The following IMMP2L variants were observed in gnomAD, a reference collection of about 807,000 sequenced individuals.
IMMP2L encodes mitochondrial inner membrane protease subunit 2.
In IMMP2L, 18 loss-of-function variants were observed where a neutral mutation model predicts 19.3. The observed-to-expected ratio is 0.93, with a 90% CI of 0.64 to 1.38. The LOEUF is 1.38. Ranked by LOEUF, IMMP2L falls within the 40% of genes most tolerant of loss-of-function variation. IMMP2L has a pLI of 0.00. For missense variants in IMMP2L, 233 were observed against 218.2 expected (o/e 1.07, Z -0.43); for synonymous variants, 76 against 73.0 (o/e 1.04, Z -0.21).
At position 110,728,956 on chromosome 7, in the gene IMMP2L, T is replaced by C. The variant is rs974066568; in HGVS notation, c.409-65235A>G. ...CCCAGGCTGGACTGCAATGGCGCGA[T>C]CTCAGCTCACAGCAACCTCCGTCTC... is the stretch of plus-strand genomic sequence containing the variant. On this transcript the variant is annotated intron_variant, in intron 5 of 5. Transcript: ENST00000405709. This position sits in a 1 kb window ranked among gnomAD's most constrained non-coding sequence, Gnocchi z 4.6. Among the ~76,000 whole-genome samples the C allele has an allele frequency of 1.3e-5, 2 of 152,144 alleles. No individual in the cohort carries two copies. The highest frequency in any genetic ancestry group is 4.8e-5 in the African/African-American group (2 of 41,428).
rs776346546 is a variant in IMMP2L, at chr7:111,123,280, C to T, written c.240-159715G>A. On this transcript the variant is annotated intron_variant, in intron 3 of 5. Coordinates refer to ENST00000405709, the MANE Select transcript of IMMP2L (RefSeq NM_032549.4). This position sits in a 1 kb window ranked among gnomAD's most constrained non-coding sequence, Gnocchi z 6.4. ...TGGCCTACATAATCTTCTTCGACTT[C>T]ATCTCAATTCAAATAGATTGCAGAT... The T allele has an allele frequency of 6.2e-7, 1 of 1,613,794 alleles. No homozygotes were observed. The highest frequency in any genetic ancestry group is 1.1e-5 in the South Asian group (1 of 91,048).
At chr7:111,155,123 T>G (rs1247142058) in intron 3 of IMMP2L, among the ~76,000 whole-genome samples, 1 of 152,126 alleles carries the variant, frequency 6.6e-6, no homozygotes. Context: ...GGTAATAATT[T>G]TGCCTTCTTC....
intron 5 of IMMP2L, among the ~76,000 whole-genome samples, chr7:110,875,713 A>C (rs1034299569): frequency 9.9e-5 from 15 of 152,140 alleles, no homozygotes; most frequent in Non-Finnish European, 2.1e-4. Context: ...AGCAGCTTTG[A>C]AAATGGTTTG....
intron 1 of IMMP2L, among the ~76,000 whole-genome samples, chr7:111,552,914 G>A (rs1048537219): frequency 9.2e-5 from 14 of 152,084 alleles, no homozygotes; most frequent in Non-Finnish European, 1.5e-4. Context: ...ATAGTCCCAC[G>A]GCAAGCCCAT....
At chr7:110,920,294 C>G (rs1164272092) in intron 4 of IMMP2L, among the ~76,000 whole-genome samples, 1 of 152,156 alleles carries the variant, frequency 6.6e-6, no homozygotes, top group Non-Finnish European at 1.5e-5. Context: ...AACCCTAATA[C>G]AGTAGGTTTC....
chr7:111,553,642 A>G (rs1322220116), intron 1 of IMMP2L, among the ~76,000 whole-genome samples: 1 of 152,240 alleles, frequency 6.6e-6, no homozygotes, highest in Non-Finnish European at 1.5e-5. Context: ...CAATTAGAAT[A>G]TATCAGACAG....
chr7:111,371,721 T>C (rs996583726), intron 3 of IMMP2L, among the ~76,000 whole-genome samples: 1 of 151,990 alleles, frequency 6.6e-6, no homozygotes. Flanking sequence ...CTGGCAAATA[T>C]ATATAGCATA....
chr7:110,829,536 C>T (rs983893224), intron 5 of IMMP2L, among the ~76,000 whole-genome samples: 8 of 151,744 alleles, frequency 5.3e-5, no homozygotes, highest in African/African-American at 1.2e-4. Flanking sequence ...ATTCTAAAAA[C>T]GAAAAAATAT....
chr7:111,555,334 T>C (rs1317053761), intron 1 of IMMP2L, among the ~76,000 whole-genome samples: 2 of 152,082 alleles, frequency 1.3e-5, no homozygotes, highest in African/African-American at 2.4e-5. Context: ...AGCAGTGAAC[T>C]GTGGGGCAGG....
chr7:110,754,144 G>T (rs1409109965), intron 5 of IMMP2L, among the ~76,000 whole-genome samples: 1 of 151,928 alleles, frequency 6.6e-6, no homozygotes, highest in Non-Finnish European at 1.5e-5. Context: ...CCTTAAAAAT[G>T]GGTCAAAAGG....
At position 110,745,060 on chromosome 7, in the gene IMMP2L, G is replaced by A. The variant is rs141362201; in HGVS notation, c.409-81339C>T. Among the ~76,000 whole-genome samples, 7 of 152,310 alleles carry A rather than the reference G, an allele frequency of 4.6e-5. No individual in the cohort carries two copies. The East Asian group carries it at 5.8e-4, about 13-fold the overall frequency. On this transcript the variant is annotated intron_variant, in intron 5 of 5. Transcript: ENST00000405709. Reference sequence around the variant, plus strand: ...AACCAGTTGAGTGAAGAATACAAATGACCTGATGGGCTGAAAAACATAGTA... The same window carrying A: ...AACCAGTTGAGTGAAGAATACAAATAACCTGATGGGCTGAAAAACATAGTA...
chr7:111,102,703 T>C (rs1328914644), intron 3 of IMMP2L, among the ~76,000 whole-genome samples: 1 of 151,502 alleles, frequency 6.6e-6, no homozygotes, highest in Non-Finnish European at 1.5e-5. Flanking sequence ...AAAAAATAAA[T>C]AGAATAATCC....
intron 5 of IMMP2L, among the ~76,000 whole-genome samples, chr7:110,747,836 C>T (rs1242633795): frequency 6.6e-6 from 1 of 151,448 alleles, no homozygotes; most frequent in Non-Finnish European, 1.5e-5. Flanking sequence ...TGAAAACCAG[C>T]ACAAGACCAG....
rs566281876 is a variant in IMMP2L, at chr7:110,803,635, G to C, written c.408+82958C>G. 1.3e-5 allele frequency among the ~76,000 whole-genome samples: 2 copies of C among 152,096 alleles called. 1 individual carries two copies. The highest frequency in any genetic ancestry group is 4.8e-5 in the African/African-American group (2 of 41,530). ...CCTCTGCTGTGGTTAGTCATTGGAT[G>C]GGGGGAGCTCCAGAAATGGGAGTGA... On this transcript the variant is annotated intron_variant, in intron 5 of 5. Transcript: ENST00000405709. The surrounding 1 kb of genome is among the most constrained non-coding windows in gnomAD (Gnocchi z 4.2).
At chr7:110,700,970 G>T (rs567894738) in intron 5 of IMMP2L, among the ~76,000 whole-genome samples, 1 of 152,060 alleles carries the variant, frequency 6.6e-6, no homozygotes, top group Admixed American at 6.6e-5. Context: ...TATAGATTTT[G>T]CAACAGCTTT....
chr7:110,849,270 T>C (rs1805968768), intron 5 of IMMP2L, among the ~76,000 whole-genome samples: 2 of 152,144 alleles, frequency 1.3e-5, no homozygotes, highest in Non-Finnish European at 2.9e-5. Flanking sequence ...AAAAACTCAG[T>C]GTACATATCT....
chr7:110,984,085 C>G (rs1235337711), intron 3 of IMMP2L, among the ~76,000 whole-genome samples: 2 of 151,874 alleles, frequency 1.3e-5, no homozygotes, highest in Non-Finnish European at 2.9e-5. Context: ...TGACAGAGGA[C>G]TCAGATATGA....
intron 3 of IMMP2L, among the ~76,000 whole-genome samples, chr7:111,163,367 T>G (rs1805474556): frequency 6.6e-6 from 1 of 152,142 alleles, no homozygotes; most frequent in Admixed American, 6.6e-5. Flanking sequence ...TTTGTTTTGG[T>G]GAAGTTGAGT....
chr7:111,367,188 G>C (rs1829850088), intron 3 of IMMP2L, among the ~76,000 whole-genome samples: 1 of 151,340 alleles, frequency 6.6e-6, no homozygotes, highest in African/African-American at 2.4e-5. Context: ...ATATATTCCT[G>C]TGTGGGTAAA....
Sources: allele counts gnomAD v4.1 joint callset (sites outside exome capture counted in the v4.1 genomes callset), GRCh38; gene constraint gnomAD v4.1.1; non-coding constraint Gnocchi (gnomAD v3.1); transcripts MANE v1.5; gene names NCBI Gene and HGNC (gene_info 2026-07-23, HGNC 2026-07-21).